CREB5: variants seen among roughly 807,000 people sequenced by gnomAD.
CREB5 encodes the protein cAMP responsive element binding protein 5.
Under a neutral mutation model 57.1 loss-of-function variants are expected in CREB5, and 19 were observed. The observed-to-expected ratio is 0.33, with a 90% CI of 0.23 to 0.49. The LOEUF is 0.49. Ranked by LOEUF, CREB5 falls within the 20% of genes least tolerant of loss-of-function variation. The pLI is 0.99. For synonymous variants in CREB5, 238 were observed against 238.3 expected (o/e 1.00, Z 0.01); for missense variants, 579 against 671.6 (o/e 0.86, Z 1.52).
At chr7:28,560,931 T>TGCGCGTGC (rs1467935536) in intron 4 of CREB5, among the ~76,000 whole-genome samples, 42 of 48,538 alleles carry the variant, frequency 8.7e-4, no homozygotes, top group Admixed American at 1.2e-3. Context: ...TGCGCGTGCG[T>TGCGCGTGC]GTGTGCGTGC....
intron 4 of CREB5, among the ~76,000 whole-genome samples, chr7:28,519,076 T>C (rs1289431901): frequency 1.3e-5 from 2 of 152,130 alleles, no homozygotes; most frequent in African/African-American, 4.8e-5. Context: ...CTACAAGAAG[T>C]GTCCAAAAAG....
chr7:28,521,444 A>G (rs1033525650), intron 4 of CREB5, among the ~76,000 whole-genome samples: 3 of 152,212 alleles, frequency 2.0e-5, no homozygotes, highest in Admixed American at 6.5e-5. Context: ...TGAGAGCCAC[A>G]TTGGAGCTCC....
intron 5 of CREB5, among the ~76,000 whole-genome samples, chr7:28,603,847 G>A (rs1797015852): frequency 6.6e-6 from 1 of 152,178 alleles, no homozygotes; most frequent in African/African-American, 2.4e-5. Context: ...TAACATAAAA[G>A]TATTCACAGA....
chr7:28,541,506 A>G (rs1288927002), intron 4 of CREB5, among the ~76,000 whole-genome samples: 2 of 152,238 alleles, frequency 1.3e-5, no homozygotes, highest in East Asian at 3.9e-4. Context: ...GTCTCTACTA[A>G]AAATACAAAA....
chr7:28,661,972 C>T (rs1262419766), intron 5 of CREB5, among the ~76,000 whole-genome samples: 1 of 152,218 alleles, frequency 6.6e-6, no homozygotes, highest in Non-Finnish European at 1.5e-5. Context: ...TAATAGGGAA[C>T]ACAGTTCTTT....
At chr7:28,374,233 G>A (rs919312183) in intron 1 of CREB5, among the ~76,000 whole-genome samples, 2 of 152,198 alleles carry the variant, frequency 1.3e-5, no homozygotes, top group Non-Finnish European at 2.9e-5. Flanking sequence ...TGCTAGAGAT[G>A]ACGCACAGAA....
At chr7:28,489,158 G>C (rs1182533443) in intron 2 of CREB5, among the ~76,000 whole-genome samples, 1 of 152,096 alleles carries the variant, frequency 6.6e-6, no homozygotes. Context: ...CCAGAGCACA[G>C]GGGTCTTTCA....
At chr7:28,547,531 A>G (rs1453916091) in intron 4 of CREB5, among the ~76,000 whole-genome samples, 2 of 152,206 alleles carry the variant, frequency 1.3e-5, no homozygotes, top group East Asian at 3.8e-4. Context: ...GTGAGGCATT[A>G]TGAGGCCCAC....
intron 7 of CREB5, among the ~76,000 whole-genome samples, chr7:28,759,650 G>A (rs1805534814): frequency 6.6e-6 from 1 of 152,192 alleles, no homozygotes; most frequent in Non-Finnish European, 1.5e-5. Context: ...AGCTAAGTAA[G>A]TTTGCTGCAA....
chr7:28,405,708 C>A (rs758391856), intron 1 of CREB5, among the ~76,000 whole-genome samples: 1 of 152,168 alleles, frequency 6.6e-6, no homozygotes, highest in Non-Finnish European at 1.5e-5. Flanking sequence ...TGAGCCACTG[C>A]GCCTGGCCTT....
At chr7:28,672,025 A>G (rs1473350922) in intron 5 of CREB5, among the ~76,000 whole-genome samples, 1 of 152,210 alleles carries the variant, frequency 6.6e-6, no homozygotes, top group African/African-American at 2.4e-5. Context: ...TAAAAAGATT[A>G]AAATGGTAAA....
chr7:28,523,713 T>C (rs1015304937), intron 4 of CREB5, among the ~76,000 whole-genome samples: 1 of 152,234 alleles, frequency 6.6e-6, no homozygotes, highest in Non-Finnish European at 1.5e-5. Context: ...CCCATGCAGT[T>C]ATTTCCTCTT....
intron 5 of CREB5, chr7:28,615,014 G>A (rs951309731): frequency 1.3e-5 from 2 of 152,134 alleles, no homozygotes; most frequent in South Asian, 4.1e-4. Context: ...AACACCCTTC[G>A]AATTTCCTTG....
chr7:28,599,353 G>A (rs1796816714), intron 5 of CREB5, among the ~76,000 whole-genome samples: 1 of 152,004 alleles, frequency 6.6e-6, no homozygotes, highest in Non-Finnish European at 1.5e-5. Context: ...ATAAAAGATG[G>A]GAAAATAAGC....
chr7:28,512,667 G>GT (rs1262061314), intron 4 of CREB5, among the ~76,000 whole-genome samples: 1 of 151,906 alleles, frequency 6.6e-6, no homozygotes, highest in African/African-American at 2.4e-5. Flanking sequence ...GTGTGTGTGT[G>GT]TATGTGTGTG....
intron 4 of CREB5, among the ~76,000 whole-genome samples, chr7:28,539,483 T>G (rs1437948661): frequency 6.6e-6 from 1 of 152,250 alleles, no homozygotes; most frequent in Admixed American, 6.5e-5. Context: ...GGTAAAAGAC[T>G]TGAATGAAAG....
intron 4 of CREB5, among the ~76,000 whole-genome samples, chr7:28,522,596 C>G (rs1793257200): frequency 6.6e-6 from 1 of 151,938 alleles, no homozygotes; most frequent in Non-Finnish European, 1.5e-5. Flanking sequence ...TGGGGTGTCA[C>G]CATGTCGGCC....
At chr7:28,312,511 G>C (rs28463796) in intron 1 of CREB5, among the ~76,000 whole-genome samples, 2,061 of 152,250 alleles carry the variant, frequency 0.014, 48 homozygotes, top group African/African-American at 0.046. Context: ...GTGTACAAAG[G>C]GGGAGGGAAG....
At chr7:28,509,412 T>G (rs998391672) in intron 4 of CREB5, among the ~76,000 whole-genome samples, 2 of 152,222 alleles carry the variant, frequency 1.3e-5, no homozygotes, top group Non-Finnish European at 2.9e-5. Context: ...AACTGAAATA[T>G]TTTTCTCCTT....
Sources: allele counts gnomAD v4.1 joint callset (sites outside exome capture counted in the v4.1 genomes callset), GRCh38; gene constraint gnomAD v4.1.1; transcripts MANE v1.5; gene names NCBI Gene and HGNC (gene_info 2026-07-23, HGNC 2026-07-21).